The following ARPP21 variants were observed in gnomAD, a reference collection of about 807,000 sequenced individuals.
ARPP21 encodes cAMP-regulated phosphoprotein 21.
A neutral mutation model predicts 113.2 loss-of-function variants in ARPP21; 69 were observed. That is an observed-to-expected ratio of 0.61 (90% CI 0.50 to 0.74). The LOEUF is 0.74. Ranked by LOEUF, ARPP21 falls within the 30% of genes least tolerant of loss-of-function variation. The pLI is 0.00. For synonymous variants in ARPP21, 368 were observed against 375.5 expected (o/e 0.98, Z 0.23); for missense variants, 1,070 against 1,037.4 (o/e 1.03, Z -0.43).
chr3:35,724,393 A>G (rs960147104), intron 14 of ARPP21, among the ~76,000 whole-genome samples: 2 of 152,164 alleles, frequency 1.3e-5, no homozygotes, highest in Non-Finnish European at 2.9e-5. Flanking sequence ...TGGCCTAGCT[A>G]TACTGTCACT....
intron 19 of ARPP21, among the ~76,000 whole-genome samples, chr3:35,769,985 C>A (rs1303339351): frequency 6.6e-6 from 1 of 152,174 alleles, no homozygotes; most frequent in Non-Finnish European, 1.5e-5. Flanking sequence ...AGAAGTTTCA[C>A]AATCCAGGTG....
intron 1 of ARPP21, among the ~76,000 whole-genome samples, chr3:35,664,803 C>G (rs936995130): frequency 6.6e-6 from 1 of 152,176 alleles, no homozygotes; most frequent in African/African-American, 2.4e-5. Flanking sequence ...GAGACTTGGT[C>G]TGCTGCCAAC....
At chr3:35,664,184 G>T (rs528508532) in intron 1 of ARPP21, among the ~76,000 whole-genome samples, 4 of 152,084 alleles carry the variant, frequency 2.6e-5, no homozygotes, top group Non-Finnish European at 4.4e-5. Flanking sequence ...TAATTGACAC[G>T]TACATATTTA....
chr3:35,721,674 G>T lies in ARPP21; in HGVS notation c.1065G>T (p.Trp355Cys), dbSNP rs755839561. The change falls in exon 14 of 21, where the codon TGG becomes TGT. Residue 355 changes from tryptophan (W) to cysteine (C), a missense_variant. Physicochemically the swap from Trp to Cys is radical, Grantham distance 215. Coordinates refer to ENST00000684406, the MANE Select transcript of ARPP21 (RefSeq NM_001385562.1). ...RQSSSENELK[W>C]SDHQRAWSST... ...GCAGCTCAGAAAATGAACTCAAGTGGTCTGACCACCAAAGGGCCTGGAGCA... is the reference window on the plus strand; with the variant it reads ...GCAGCTCAGAAAATGAACTCAAGTGTTCTGACCACCAAAGGGCCTGGAGCA... The T allele has an allele frequency of 4.3e-6, 7 of 1,613,944 alleles. No homozygotes were observed. The highest frequency in any genetic ancestry group is 5.1e-6 in the Non-Finnish European group (6 of 1,179,946).
At chr3:35,701,491 A>T (rs2086372228) in intron 9 of ARPP21, among the ~76,000 whole-genome samples, 1 of 151,728 alleles carries the variant, frequency 6.6e-6, no homozygotes, top group Non-Finnish European at 1.5e-5. Context: ...CAATATAGAT[A>T]ATCAAGCTCA....
At position 35,792,487 on chromosome 3, in the gene ARPP21, T is replaced by G. The variant is rs1220964758; in HGVS notation, c.2243T>G (p.Val748Gly). ...ATAAATAACCAACAAGGAACTCCGGTGCAAAGCGTGATGGTTTCCTACCCA... is the reference window on the plus strand; with the variant it reads ...ATAAATAACCAACAAGGAACTCCGGGGCAAAGCGTGATGGTTTCCTACCCA... ...NVINNQQGTPVQSVMVSYPTM... is the reference protein window; with the variant it reads ...NVINNQQGTPGQSVMVSYPTM... The change falls in exon 20 of 21, where the codon GTG becomes GGG. Residue 748 changes from valine (V) to glycine (G), a missense_variant. Physicochemically the swap from Val to Gly is moderately radical, Grantham distance 109. Coordinates refer to ENST00000684406, the MANE Select transcript of ARPP21 (RefSeq NM_001385562.1). The G allele has an allele frequency of 1.2e-6, 2 of 1,613,976 alleles. No individual in the cohort carries two copies. The highest frequency in any genetic ancestry group is 1.1e-5 in the South Asian group (1 of 91,090).
intron 19 of ARPP21, among the ~76,000 whole-genome samples, chr3:35,773,439 C>G (rs1447598407): frequency 6.6e-6 from 1 of 152,092 alleles, no homozygotes; most frequent in Non-Finnish European, 1.5e-5. Context: ...TAAATTGCCT[C>G]TCATGACTTG....
At chr3:35,781,812 C>A (rs1321224446) in intron 19 of ARPP21, among the ~76,000 whole-genome samples, 1 of 152,102 alleles carries the variant, frequency 6.6e-6, no homozygotes, top group African/African-American at 2.4e-5. Flanking sequence ...TGTTCCCCAA[C>A]TCTAACTATA....
At position 35,667,905 on chromosome 3, in the gene ARPP21, AAGAGGAAGGAGG is replaced by A. The variant is rs1478238545; in HGVS notation, c.-212-11879_-212-11868del. On this transcript the variant is annotated intron_variant, in intron 1 of 20. Transcript: ENST00000684406. ...GAAGAAGAAGAGGAAGAGGAAGAGG[AAGAGGAAGGAGG>A]AGGAGGAGGAGGAGGAGAAGGAGAA... Among the ~76,000 whole-genome samples the A allele has an allele frequency of 5.3e-4, 49 of 92,942 alleles. 7 individuals carry two copies. The East Asian group carries it at 9.9e-3, about 19-fold the overall frequency. The allele number at this position is 92,942 out of a possible 152,430, so 61.0% of individuals were successfully genotyped here. A position where few individuals can be genotyped will look rare whatever the true frequency, so the allele number is the denominator to read the frequency against.
intron 19 of ARPP21, among the ~76,000 whole-genome samples, chr3:35,752,531 C>T (rs894518343): frequency 6.6e-6 from 1 of 152,036 alleles, no homozygotes; most frequent in East Asian, 1.9e-4. Context: ...TCTGAAGATT[C>T]GTAAAAACAT....
intron 3 of ARPP21, 112 bp from the exon 4 acceptor site, chr3:35,682,736 G>T: frequency 1.1e-6 from 1 of 899,704 alleles, no homozygotes. Context: ...CTCTACTGTA[G>T]CCGGTAGTGA....
At chr3:35,747,647 G>A (rs73059297) in intron 19 of ARPP21, among the ~76,000 whole-genome samples, 1 of 152,242 alleles carries the variant, frequency 6.6e-6, no homozygotes, top group Non-Finnish European at 1.5e-5. Flanking sequence ...GCCAGGCATG[G>A]TGGTACTTGC....
intron 5 of ARPP21, chr3:35,685,514 C>G (rs765091245): frequency 1.0e-6 from 1 of 985,248 alleles, no homozygotes; most frequent in Non-Finnish European, 1.2e-6. Flanking sequence ...CCGGCACTTA[C>G]AAAATGTGCG....
At chr3:35,783,454 G>T (rs776544901) in intron 19 of ARPP21, among the ~76,000 whole-genome samples, 1 of 151,256 alleles carries the variant, frequency 6.6e-6, no homozygotes. Context: ...CCTCCTTGCC[G>T]CTCATAGATG....
At chr3:35,762,085 A>G (rs372537848) in intron 19 of ARPP21, among the ~76,000 whole-genome samples, 3 of 133,426 alleles carry the variant, frequency 2.2e-5, no homozygotes, top group African/African-American at 9.5e-5. Context: ...AACTACACAG[A>G]CTCTCTCTCT....
intron 10 of ARPP21, among the ~76,000 whole-genome samples, chr3:35,708,481 CCTTT>C (rs2150024959): frequency 6.6e-6 from 1 of 152,326 alleles, no homozygotes; most frequent in South Asian, 2.1e-4. Flanking sequence ...TCCACATCTT[CCTTT>C]CTGTTAATTA....
chr3:35,681,763 A>G lies in ARPP21; in HGVS notation c.12A>G (p.Gln4=). The G allele has an allele frequency of 6.2e-7, 1 of 1,611,184 alleles. No individual in the cohort carries two copies. The highest frequency in any genetic ancestry group is 8.5e-7 in the Non-Finnish European group (1 of 1,178,116). Residue 4 remains glutamine, a synonymous_variant, in exon 3 of 21, where the codon CAA becomes CAG. Transcript: ENST00000684406. The part of the protein sequence containing the change: MSE[Q]GDLNQAIAEE... The stretch of plus-strand genomic sequence containing the variant: ...TTGCATCTGGGAGAATGTCTGAGCA[A>G]GGAGACCTGAATCAGGCAATAGCAG...
chr3:35,769,624 GC>G (rs1393180989), intron 19 of ARPP21, among the ~76,000 whole-genome samples: 1 of 152,044 alleles, frequency 6.6e-6, no homozygotes, highest in African/African-American at 2.4e-5. Context: ...CTGCTTTACT[GC>G]CTCCCTCATT....
intron 1 of ARPP21, among the ~76,000 whole-genome samples, chr3:35,655,861 T>C (rs1704607766): frequency 6.6e-6 from 1 of 152,010 alleles, no homozygotes; most frequent in Non-Finnish European, 1.5e-5. Flanking sequence ...AATTTTTGGA[T>C]TCAGCAGGTC....
Sources: gnomAD v4.1 joint callset for allele counts (sites outside exome capture counted in the v4.1 genomes callset) on GRCh38, gnomAD v4.1.1 for gene constraint, MANE v1.5 for transcripts, NCBI Gene and HGNC (gene_info 2026-07-23, HGNC 2026-07-21) for gene names.